TOMM34: variants seen among roughly 807,000 people sequenced by gnomAD.
TOMM34 encodes the protein mitochondrial import receptor subunit TOM34.
Under a neutral mutation model 37.4 loss-of-function variants are expected in TOMM34, and 24 were observed. The ratio of observed to expected loss-of-function variants is 0.64; its 90% confidence interval spans 0.46 to 0.90. The LOEUF (loss-of-function observed/expected upper bound fraction) is 0.90. Among genes scored for constraint, TOMM34 ranks in the 40% least tolerant of loss-of-function variants. The pLI is 0.00. For missense variants in TOMM34, 304 were observed against 375.6 expected (o/e 0.81, Z 1.58); for synonymous variants, 154 against 148.9 (o/e 1.03, Z -0.25).
chr20:44,960,281 T>C lies in TOMM34; in HGVS notation c.53A>G (p.Glu18Gly), dbSNP rs2067114644. The C allele has an allele frequency of 6.3e-7, 1 of 1,582,104 alleles. No individual in the cohort carries two copies. Among genetic ancestry groups the C allele is most frequent in the South Asian group, 1.2e-5 (1 of 86,578 alleles). The change falls in exon 1 of 7, where the codon GAG becomes GGG. Residue 18 changes from glutamate to glycine, a missense_variant. Glu to Gly is a moderately conservative substitution (Grantham distance 98). Transcript: ENST00000372813. ...SVEELRAAGN[E>G]SFRNGQYAEA... is the part of the protein sequence containing the mutation. ...GGCGTACTGGCCGTTGCGGAAACTCTCATTGCCGGCGGCGCGGAGCTCCTC... is the reference window on the plus strand; with the variant it reads ...GGCGTACTGGCCGTTGCGGAAACTCCCATTGCCGGCGGCGCGGAGCTCCTC...
chr20:44,943,103 G>A lies in TOMM34; in HGVS notation c.*6C>T. 6.2e-7 allele frequency: 1 copy of A among 1,613,968 alleles called. No individual in the cohort carries two copies. Among genetic ancestry groups the A allele is most frequent in the Non-Finnish European group, 8.5e-7 (1 of 1,179,930 alleles). Reference sequence around the variant, plus strand: ...AGGCAGGGGTTCCAGTTGCCCTGTTGGGTTTTTAGTGTAGGTTCTGCTTCA... The same window carrying A: ...AGGCAGGGGTTCCAGTTGCCCTGTTAGGTTTTTAGTGTAGGTTCTGCTTCA... On this transcript the variant is annotated 3_prime_UTR_variant, in exon 7 of 7. Transcript: ENST00000372813.
chr20:44,958,100 A>G (rs2067090265), intron 1 of TOMM34, among the ~76,000 whole-genome samples: 1 of 151,054 alleles, frequency 6.6e-6, no homozygotes, highest in Non-Finnish European at 1.5e-5. Flanking sequence ...ATGTATATGT[A>G]TATATGTATA....
At chr20:44,949,261 T>C (rs2145598402) in intron 4 of TOMM34, among the ~76,000 whole-genome samples, 1 of 152,320 alleles carries the variant, frequency 6.6e-6, no homozygotes, top group Non-Finnish European at 1.5e-5. Context: ...ATTCCACAGA[T>C]GGCTATTTTC....
At chr20:44,959,970 G>A in intron 1 of TOMM34, 1 of 985,430 alleles carries the variant, frequency 1.0e-6, no homozygotes, top group Non-Finnish European at 1.2e-6. Context: ...GGAGGGTTTA[G>A]CTTTCTTCTC....
At chr20:44,956,273 T>C in intron 2 of TOMM34, 113 bp downstream of exon 2, 1 of 1,031,976 alleles carries the variant, frequency 9.7e-7, no homozygotes. Context: ...ACTTTCTTAA[T>C]ATCTGTCCCA....
intron 5 of TOMM34, among the ~76,000 whole-genome samples, chr20:44,945,018 G>C (rs1451426075): frequency 6.6e-6 from 1 of 152,042 alleles, no homozygotes; most frequent in Non-Finnish European, 1.5e-5. Flanking sequence ...TGTTCTTCTA[G>C]AACTTAATGG....
intron 2 of TOMM34, 23 bp downstream of exon 2, chr20:44,956,355 AGGCATCCC>A: frequency 6.2e-7 from 1 of 1,608,138 alleles, no homozygotes; most frequent in Non-Finnish European, 8.5e-7. Flanking sequence ...TGAGACCCTC[AGGCATCCC>A]AAAATTACCC....
In TOMM34 at chr20:44,950,718, T is replaced by C. The variant is rs147166192; in HGVS notation, c.550+1115A>G. Among the ~76,000 whole-genome samples, 3 of 152,194 alleles carry C rather than the reference T, an allele frequency of 2.0e-5. No individual in the cohort carries two copies. The East Asian group carries it at 5.8e-4, about 29-fold the overall frequency. Reference sequence around the variant, plus strand: ...CTTACCAGGCTCCCACAAACCAGAGTGAATGCTACCCATGACCAGAGAGGC... The same window carrying C: ...CTTACCAGGCTCCCACAAACCAGAGCGAATGCTACCCATGACCAGAGAGGC... On this transcript the variant is annotated intron_variant, in intron 4 of 6. Coordinates refer to ENST00000372813, the MANE Select transcript of TOMM34 (RefSeq NM_006809.5).
chr20:44,960,144 C>T (rs1434415957), intron 1 of TOMM34, 63 bp downstream of exon 1: 10 of 1,504,588 alleles, frequency 6.6e-6, no homozygotes, highest in South Asian at 6.4e-5. Context: ...GCGCGAGGCC[C>T]GGGCGGTGGT....
Position 44,955,189 on chromosome 20 carries a change from G to C in TOMM34, c.259C>G (p.Pro87Ala). Reference sequence around the variant, plus strand: ...TAAGCAGATGCTCGCCGCAGCAGGGGCTTAATGCTGAAGGGAACCAAGGCC... The same window carrying C: ...TAAGCAGATGCTCGCCGCAGCAGGGCCTTAATGCTGAAGGGAACCAAGGCC... The part of the protein sequence containing the change: ...ALALVPFSIK[P>A]LLRRASAYEA... The change falls in exon 3 of 7, where the codon CCC becomes GCC. Residue 87 changes from proline to alanine, a missense_variant. Transcript: ENST00000372813. 6.2e-7 allele frequency: 1 copy of C among 1,614,214 alleles called. No homozygotes were observed. Among genetic ancestry groups the C allele is most frequent in the Non-Finnish European group, 8.5e-7 (1 of 1,180,040 alleles).
chr20:44,949,771 G>A (rs938693744), intron 4 of TOMM34, among the ~76,000 whole-genome samples: 6 of 152,146 alleles, frequency 3.9e-5, no homozygotes, highest in African/African-American at 1.4e-4. Context: ...CACTGCTGGA[G>A]GAAACTATTA....
chr20:44,951,933 C>G lies in TOMM34; in HGVS notation c.450G>C (p.Val150=). Residue 150 remains valine (V), a synonymous_variant, in exon 4 of 7, where the codon GTG becomes GTC. Transcript: ENST00000372813. The part of the protein sequence containing the change: ...WRLKLPSIPL[V]PVSAQKRWNS... ...TCCACCTCTTCTGAGCTGAAACAGG[C>G]ACCAAGGGGATTGAGGGCAGCTTCA... is the stretch of plus-strand genomic sequence containing the variant. 6.2e-7 allele frequency: 1 copy of G among 1,614,114 alleles called. No homozygotes were observed. The highest frequency in any genetic ancestry group is 8.5e-7 in the Non-Finnish European group (1 of 1,179,990).
At chr20:44,951,812 G>A (rs758243511) in intron 4 of TOMM34, 21 bp downstream of exon 4, 1 of 1,607,258 alleles carries the variant, frequency 6.2e-7, no homozygotes, top group East Asian at 2.2e-5. Context: ...GCAAGACTCT[G>A]GGCAGGGAGT....
In TOMM34 at chr20:44,960,356, G is replaced by T. The variant is rs533862044; in HGVS notation, c.-23C>A. 1 of 1,544,492 alleles carries T rather than the reference G, an allele frequency of 6.5e-7. No homozygotes were observed. The highest frequency in any genetic ancestry group is 8.7e-7 in the Non-Finnish European group (1 of 1,143,486). Reference sequence around the variant, plus strand: ...CATCCCGTGGCCAGGCCGGCGAGTTGGGAGCTCCTTCCTTCCTCCCCCGTG... The same window carrying T: ...CATCCCGTGGCCAGGCCGGCGAGTTTGGAGCTCCTTCCTTCCTCCCCCGTG... On this transcript the variant is annotated 5_prime_UTR_variant, in exon 1 of 7. Coordinates refer to ENST00000372813, the MANE Select transcript of TOMM34 (RefSeq NM_006809.5).
chr20:44,956,790 C>G (rs1312977801), intron 1 of TOMM34, among the ~76,000 whole-genome samples: 1 of 149,770 alleles, frequency 6.7e-6, no homozygotes, highest in African/African-American at 2.5e-5. Flanking sequence ...GAAATCCATG[C>G]TGTAACTACT....
chr20:44,943,278 G>A, intron 6 of TOMM34, 65 bp from the exon 7 acceptor site: 2 of 1,599,898 alleles, frequency 1.3e-6, no homozygotes, highest in African/African-American at 1.3e-5. Context: ...TAGCTGCTGA[G>A]GCAGCAAAGT....
At chr20:44,958,118 A>T (rs2067090937) in intron 1 of TOMM34, among the ~76,000 whole-genome samples, 1 of 112,884 alleles carries the variant, frequency 8.9e-6, no homozygotes, top group South Asian at 2.6e-4. Flanking sequence ...ATACATGTAC[A>T]TGTATATATA....
At position 44,943,461 on chromosome 20, in the gene TOMM34, C is replaced by G. The variant is rs756013682; in HGVS notation, c.817G>C (p.Ala273Pro). ...AFYRRAQAHK[A>P]LKDYKSSFAD... ...CCAGGATTTTTTTTTACCTTGAGTG[C>G]TTTGTGGGCTTGAGCCCGTCTGTAG... is the stretch of plus-strand genomic sequence containing the variant. Residue 273 changes from alanine to proline, a missense_variant, in exon 6 of 7, where the codon GCA becomes CCA. Physicochemically the swap from Ala to Pro is conservative, Grantham distance 27. Coordinates refer to ENST00000372813, the MANE Select transcript of TOMM34 (RefSeq NM_006809.5). 14 of 1,613,960 alleles carry G rather than the reference C, an allele frequency of 8.7e-6. No individual in the cohort carries two copies. Among genetic ancestry groups the G allele is most frequent in the Non-Finnish European group, 1.1e-5 (13 of 1,180,022 alleles).
At chr20:44,946,807 C>T (rs1009670647) in intron 5 of TOMM34, among the ~76,000 whole-genome samples, 2 of 152,188 alleles carry the variant, frequency 1.3e-5, no homozygotes, top group African/African-American at 4.8e-5. Flanking sequence ...TGTCATTAGT[C>T]CTCTAGATTA....
Sources: allele counts gnomAD v4.1 joint callset (sites outside exome capture counted in the v4.1 genomes callset), GRCh38; gene constraint gnomAD v4.1.1; transcripts MANE v1.5; gene names NCBI Gene and HGNC (gene_info 2026-07-23, HGNC 2026-07-21).